FRYL: variants seen among roughly 807,000 people sequenced by gnomAD.
FRYL encodes FRY like transcription coactivator.
A neutral mutation model predicts 351.2 loss-of-function variants in FRYL; 150 were observed. The ratio of observed to expected loss-of-function variants is 0.43; its 90% CI spans 0.37 to 0.49. The LOEUF is 0.49. FRYL is among the 20% of genes least tolerant of loss of function. The probability of loss-of-function intolerance (pLI) is 0.00; values close to 1 mark genes in which losing one functional copy is unlikely to be tolerated. For missense variants in FRYL, 3,036 were observed against 3,619.3 expected (o/e 0.84, Z 4.13); for synonymous variants, 1,153 against 1,257.1 (o/e 0.92, Z 1.75).
At position 48,764,064 on chromosome 4, in the gene FRYL, G is replaced by A. The variant is rs1301742278; in HGVS notation, c.-384+16014C>T. Among the ~76,000 whole-genome samples the A allele has an allele frequency of 7.2e-5, 11 of 152,186 alleles. No individual in the cohort carries two copies. The South Asian group carries it at 1.0e-3, about 14-fold the overall frequency. On this transcript the variant is annotated intron_variant, in intron 1 of 63. Transcript: ENST00000358350. ...AGGTGCCTGTAATCCCAGCTACTCG[G>A]GAGGCTGAGGCAGGAGAATAGCTTG...
In FRYL at chr4:48,680,584, A is replaced by G. The variant is rs114787917; in HGVS notation, c.-81+4089T>C. Among the ~76,000 whole-genome samples the G allele has an allele frequency of 4.6e-3, 706 of 152,132 alleles. 4 individuals carry two copies. The highest frequency in any genetic ancestry group is 0.016 in the African/African-American group (666 of 41,580). Reference sequence around the variant, plus strand: ...GAACATATTTTTAAACAAAATTTAAATGGTTTCTATAGTAACAGACACAAT... The same window carrying G: ...GAACATATTTTTAAACAAAATTTAAGTGGTTTCTATAGTAACAGACACAAT... On this transcript the variant is annotated intron_variant, in intron 3 of 63. Coordinates refer to ENST00000358350, the MANE Select transcript of FRYL (RefSeq NM_015030.2).
intron 1 of FRYL, among the ~76,000 whole-genome samples, chr4:48,738,754 C>T (rs1338866315): frequency 1.3e-5 from 2 of 151,224 alleles, no homozygotes; most frequent in Non-Finnish European, 2.9e-5. Flanking sequence ...AATCCTATTG[C>T]CTCTGCCTCC....
intron 40 of FRYL, 37 bp from the exon 41 acceptor site, chr4:48,547,806 G>T: frequency 2.3e-6 from 3 of 1,284,352 alleles, no homozygotes; most frequent in African/African-American, 1.5e-5. Flanking sequence ...TCAATAAAGA[G>T]AAATAATGAG....
chr4:48,671,607 T>G (rs984200730), intron 3 of FRYL, among the ~76,000 whole-genome samples: 1 of 151,524 alleles, frequency 6.6e-6, no homozygotes, highest in African/African-American at 2.4e-5. Context: ...GCAGAGGTTG[T>G]GGTGAGCCGA....
At chr4:48,771,320 CAGTTTAAACAAAA>C (rs1018066230) in intron 1 of FRYL, among the ~76,000 whole-genome samples, 4 of 152,118 alleles carry the variant, frequency 2.6e-5, no homozygotes, top group Non-Finnish European at 5.9e-5. Context: ...GATTAAGATC[CAGTTTAAACAAAA>C]ATATTTAGGT....
intron 1 of FRYL, among the ~76,000 whole-genome samples, chr4:48,772,679 CAAAAAAAAAAAAAA>C (rs33926702): frequency 4.0e-5 from 2 of 50,264 alleles, no homozygotes; most frequent in African/African-American, 1.3e-4. Flanking sequence ...AGAGACCTAC[CAAAAAAAAAAAAAA>C]AAAAAAAAAA....
intron 53 of FRYL, among the ~76,000 whole-genome samples, chr4:48,523,708 AAAC>A (rs1725370518): frequency 1.3e-5 from 2 of 152,208 alleles, no homozygotes; most frequent in African/African-American, 4.8e-5. Context: ...CAGACACTTA[AAAC>A]AACATTTCTA....
chr4:48,538,056 A>C (rs1444848278), intron 47 of FRYL, among the ~76,000 whole-genome samples: 2 of 152,198 alleles, frequency 1.3e-5, no homozygotes, highest in African/African-American at 4.8e-5. Context: ...TATTTTAATA[A>C]ATTTTGTATT....
chr4:48,705,745 AATT>A (rs1488665957), intron 2 of FRYL, among the ~76,000 whole-genome samples: 1 of 152,170 alleles, frequency 6.6e-6, no homozygotes, highest in African/African-American at 2.4e-5. Context: ...TACAGAGAAC[AATT>A]ATTAAGACTA....
chr4:48,642,394 G>A (rs1367524573), intron 3 of FRYL, among the ~76,000 whole-genome samples: 1 of 151,972 alleles, frequency 6.6e-6, no homozygotes, highest in Non-Finnish European at 1.5e-5. Flanking sequence ...TCCTTCAGAG[G>A]AGAGATCTAA....
chr4:48,706,492 A>C (rs1207541170), intron 2 of FRYL, among the ~76,000 whole-genome samples: 4 of 152,188 alleles, frequency 2.6e-5, no homozygotes, highest in African/African-American at 9.7e-5. Flanking sequence ...TGGGCAAAGA[A>C]GACGATGGGG....
chr4:48,710,062 CA>C (rs910473198), intron 2 of FRYL, among the ~76,000 whole-genome samples: 1 of 151,460 alleles, frequency 6.6e-6, no homozygotes, highest in African/African-American at 2.4e-5. Context: ...TCTATGCTTC[CA>C]AAAAAAAGTC....
In FRYL at chr4:48,602,114, T is replaced by C. The variant is rs751324733; in HGVS notation, c.941A>G (p.Tyr314Cys). ...ACATAAAAGGCAGGTAATTAGTGGATATAAAGCCTATAGGAGACGGGGAAA... is the reference window on the plus strand; with the variant it reads ...ACATAAAAGGCAGGTAATTAGTGGACATAAAGCCTATAGGAGACGGGGAAA... The part of the protein sequence containing the change: ...SSRKKHSLAL[Y>C]PLITCLLCVS... The change falls in exon 13 of 64, where the codon TAT becomes TGT. Residue 314 changes from tyrosine (Y) to cysteine (C), a missense_variant. This residue lies in a region of FRYL where 457 missense variants were observed against 566.6 expected (regional missense o/e 0.81). Transcript: ENST00000358350. The C allele has an allele frequency of 3.9e-6, 6 of 1,529,868 alleles. No individual in the cohort carries two copies. The highest frequency in any genetic ancestry group is 5.4e-6 in the Non-Finnish European group (6 of 1,104,326). 94.8% of individuals were successfully genotyped at this position (1,529,868 alleles called of 1,614,324 possible).
intron 1 of FRYL, among the ~76,000 whole-genome samples, chr4:48,753,675 G>A (rs1422606481): frequency 6.6e-6 from 1 of 152,012 alleles, no homozygotes; most frequent in Non-Finnish European, 1.5e-5. Context: ...TCTGTTGTCT[G>A]TGCTTTTGGT....
chr4:48,774,814 GGATTACAGGCGTGAGCCACCGCGT>G (rs1775850637), intron 1 of FRYL, among the ~76,000 whole-genome samples: 1 of 151,934 alleles, frequency 6.6e-6, no homozygotes, highest in Non-Finnish European at 1.5e-5. Flanking sequence ...CCGAGTGCCG[GGATTACAGGCGTGAGCCACCGCGT>G]CCAGCCAATG....
At chr4:48,573,158 TA>T in intron 26 of FRYL, 27 bp downstream of exon 26, 1 of 1,558,600 alleles carries the variant, frequency 6.4e-7, no homozygotes, top group Non-Finnish European at 8.8e-7. Context: ...GAATGTTCAC[TA>T]ATACAAGGCT....
intron 2 of FRYL, among the ~76,000 whole-genome samples, chr4:48,689,862 C>T (rs1765515717): frequency 6.6e-6 from 1 of 151,520 alleles, no homozygotes; most frequent in African/African-American, 2.4e-5. Context: ...TCTATGCCTA[C>T]CATTTATAGT....
At chr4:48,550,072 C>T (rs966609289) in intron 38 of FRYL, among the ~76,000 whole-genome samples, 5 of 152,190 alleles carry the variant, frequency 3.3e-5, no homozygotes, top group Middle Eastern at 3.2e-3. Context: ...AATGTGAATT[C>T]TGTGTGACGT....
chr4:48,578,866 T>C (rs1740252044), intron 23 of FRYL, 107 bp downstream of exon 23: 3 of 929,380 alleles, frequency 3.2e-6, no homozygotes, highest in East Asian at 5.1e-5. Flanking sequence ...GTATCACATA[T>C]TATTTATGGG....
Sources: allele counts gnomAD v4.1 joint callset (sites outside exome capture counted in the v4.1 genomes callset), GRCh38; gene constraint gnomAD v4.1.1; regional missense constraint gnomAD v4.1.1; transcripts MANE v1.5; gene names NCBI Gene and HGNC (gene_info 2026-07-23, HGNC 2026-07-21).